Variants in GALK2 observed in about 807,000 individuals in gnomAD.
The protein encoded by GALK2 is galactokinase 2.
Under a neutral mutation model 52.4 loss-of-function variants are expected in GALK2, and 36 were observed. That is an observed-to-expected ratio of 0.69 (90% CI 0.53 to 0.91). GALK2 has a LOEUF of 0.91. Among genes scored for constraint, GALK2 ranks in the 40% least tolerant of loss-of-function variants. The pLI is 0.00. For missense variants in GALK2, 579 were observed against 559.1 expected (o/e 1.04, Z -0.36); for synonymous variants, 176 against 199.1 (o/e 0.88, Z 0.98).
chr15:49,156,347 C>A, intron 1 of GALK2: 1 of 404,988 alleles, frequency 2.5e-6, no homozygotes. Flanking sequence ...CGGTGACTCG[C>A]GGGATCAGGA....
At chr15:49,311,506 G>C (rs2035988348) in intron 8 of GALK2, among the ~76,000 whole-genome samples, 1 of 152,102 alleles carries the variant, frequency 6.6e-6, no homozygotes, top group Non-Finnish European at 1.5e-5. Context: ...AGCACCTAAT[G>C]GTTTATAATC....
At chr15:49,316,221 A>G (rs1302614419) in intron 8 of GALK2, among the ~76,000 whole-genome samples, 1 of 152,220 alleles carries the variant, frequency 6.6e-6, no homozygotes, top group Non-Finnish European at 1.5e-5. Context: ...GAAAATTTAA[A>G]TATGGACTGA....
chr15:49,349,623 T>C (rs889803722), intron 3 of GALK2, among the ~76,000 whole-genome samples: 2 of 152,146 alleles, frequency 1.3e-5, no homozygotes, highest in Admixed American at 6.5e-5. Context: ...GTATTTGATA[T>C]ATGGTAGCAT....
upstream of GALK2, among the ~76,000 whole-genome samples, chr15:49,166,635 G>A (rs956511216): frequency 3.3e-5 from 5 of 152,058 alleles, no homozygotes; most frequent in African/African-American, 4.8e-5. Flanking sequence ...ACTTGAACCC[G>A]GAAGGCGGAG....
At chr15:49,355,516 G>A (rs549338568) in intron 3 of GALK2, among the ~76,000 whole-genome samples, 2 of 152,248 alleles carry the variant, frequency 1.3e-5, no homozygotes, top group African/African-American at 4.8e-5. Context: ...TGAATGAAAT[G>A]AAGCAAGAAG....
intron 1 of GALK2, among the ~76,000 whole-genome samples, chr15:49,197,105 A>G (rs1186153390): frequency 6.6e-6 from 1 of 152,238 alleles, no homozygotes; most frequent in East Asian, 1.9e-4. Context: ...CACTCTCTAA[A>G]GAAAGGTATC....
chr15:49,363,557 T>C (rs2044614476), intron 3 of GALK2, among the ~76,000 whole-genome samples: 2 of 152,164 alleles, frequency 1.3e-5, no homozygotes, highest in African/African-American at 4.8e-5. Context: ...TATAGGATCA[T>C]ATTGTCTATA....
intron 4 of GALK2, 116 bp from the exon 5 acceptor site, chr15:49,239,105 C>T (rs1177888473): frequency 1.3e-6 from 1 of 798,050 alleles, no homozygotes; most frequent in Non-Finnish European, 2.0e-6. Flanking sequence ...TAAGTAGTTT[C>T]TATAACTATT....
rs1466175706 is a variant in GALK2, at chr15:49,281,847, A to G, written c.505-140A>G. On this transcript the variant is annotated intron_variant, in intron 5 of 9. Transcript: ENST00000560031. ...TTCCTATAGTCTGGAGCCCTTTTTA[A>G]TGCAGTGCTCCAGGCAGGCTACTAT... 24 of 575,700 alleles carry G rather than the reference A, an allele frequency of 4.2e-5. No homozygotes were observed. In the Admixed American group the frequency reaches 7.7e-4, roughly 18 times the overall value. The allele number at this position is 575,700 out of a possible 1,614,324, so 35.7% of individuals were successfully genotyped here. A position where few individuals can be genotyped will look rare whatever the true frequency, so the allele number is the denominator to read the frequency against.
At chr15:49,332,363 AG>A (rs527695644), downstream of GALK2, among the ~76,000 whole-genome samples, 9 of 152,206 alleles carry the variant, frequency 5.9e-5, no homozygotes, top group Non-Finnish European at 8.8e-5. Flanking sequence ...AAAGAAAGAG[AG>A]GGAGATGGAA....
At chr15:49,195,434 C>T (rs990533423) in intron 1 of GALK2, among the ~76,000 whole-genome samples, 1 of 152,150 alleles carries the variant, frequency 6.6e-6, no homozygotes, top group African/African-American at 2.4e-5. Flanking sequence ...AGATTTTGCA[C>T]GTTTATTAAG....
At chr15:49,164,675 G>C (rs1458698553) in intron 1 of GALK2, among the ~76,000 whole-genome samples, 1 of 150,664 alleles carries the variant, frequency 6.6e-6, no homozygotes, top group Non-Finnish European at 1.5e-5. Flanking sequence ...CAGATGCTCC[G>C]GAGGCTGAGG....
exon 1 of GALK2, chr15:49,155,842 G>T: frequency 1.2e-6 from 1 of 840,934 alleles, no homozygotes; most frequent in Non-Finnish European, 1.9e-6. Context: ...GGTCTCAGCC[G>T]AAGGGCGTCG....
At position 49,329,062 on chromosome 15, in the gene GALK2, G is replaced by C; in HGVS notation, c.*903G>C. The C allele has an allele frequency of 2.0e-6, 2 of 996,886 alleles. No homozygotes were observed. The highest frequency in any genetic ancestry group is 2.4e-6 in the Non-Finnish European group (2 of 836,986). The allele number at this position is 996,886 out of a possible 1,614,324, so 61.8% of individuals were successfully genotyped here. On this transcript the variant is annotated 3_prime_UTR_variant, in exon 10 of 10. Transcript: ENST00000560031. ...TCTCAAATACCTCTCTAATCCAAGA[G>C]GCACTTCCAAGAAATTCCACACATT...
intron 3 of GALK2, among the ~76,000 whole-genome samples, chr15:49,354,271 G>C (rs1424894926): frequency 1.3e-5 from 2 of 152,206 alleles, no homozygotes; most frequent in Non-Finnish European, 2.9e-5. Flanking sequence ...AACAGCTCCG[G>C]TCTACAGCTC....
intron 3 of GALK2, among the ~76,000 whole-genome samples, chr15:49,359,905 A>C: frequency 6.7e-6 from 1 of 148,614 alleles, no homozygotes; most frequent in Non-Finnish European, 1.5e-5. Context: ...AATACTACGC[A>C]GCCATAAAAA....
At position 49,328,828 on chromosome 15, in the gene GALK2, T is replaced by G. The variant is rs2038008943; in HGVS notation, c.*669T>G. On this transcript the variant is annotated 3_prime_UTR_variant, in exon 10 of 10. Coordinates refer to ENST00000560031, the MANE Select transcript of GALK2 (RefSeq NM_002044.4). Reference sequence around the variant, plus strand: ...TACAGGAAGAAAATTCAGACTCATTTGAATATTTGTAAACCATGTAATATA... The same window carrying G: ...TACAGGAAGAAAATTCAGACTCATTGGAATATTTGTAAACCATGTAATATA... 2.1e-6 allele frequency: 3 copies of G among 1,410,296 alleles called. No homozygotes were observed. In the East Asian group the frequency reaches 7.5e-5, roughly 35 times the overall value. 87.4% of individuals were successfully genotyped at this position (1,410,296 alleles called of 1,614,324 possible).
chr15:49,226,620 T>C (rs1210444950), intron 3 of GALK2: 2 of 152,150 alleles, frequency 1.3e-5, no homozygotes, highest in Non-Finnish European at 2.9e-5. Flanking sequence ...TTCCTTCCAC[T>C]ATTTTTGGGT....
intron 2 of GALK2, 73 bp from the exon 3 acceptor site, chr15:49,217,117 G>A: frequency 7.3e-7 from 1 of 1,374,570 alleles, no homozygotes; most frequent in Non-Finnish European, 1.0e-6. Flanking sequence ...GTTTTTTCCT[G>A]TATGTAAACT....
Sources: allele counts gnomAD v4.1 joint callset (sites outside exome capture counted in the v4.1 genomes callset), GRCh38; gene constraint gnomAD v4.1.1; transcripts MANE v1.5; gene names NCBI Gene and HGNC (gene_info 2026-07-23, HGNC 2026-07-21).